Variants in TENM1 observed in about 807,000 individuals in gnomAD.
TENM1 encodes teneurin transmembrane protein 1.
Under a neutral mutation model 174.8 loss-of-function variants are expected in TENM1, and 35 were observed. The ratio of observed to expected loss-of-function variants is 0.20; its 90% CI spans 0.15 to 0.27. The LOEUF (loss-of-function observed/expected upper bound fraction) is 0.27. Among genes scored for constraint, TENM1 ranks in the 10% least tolerant of loss-of-function variants. TENM1 has a pLI of 1.00. For synonymous variants in TENM1, 781 were observed against 798.7 expected (o/e 0.98, Z 0.37); for missense variants, 1,633 against 2,130.1 (o/e 0.77, Z 4.59).
At chrX:125,059,481 G>A in the TENM1 span, among the ~76,000 whole-genome samples, 2,794 of 109,956 alleles carry the variant, frequency 0.025, 94 homozygotes, top group African/African-American at 0.086. Context: ...TACACAGTTA[G>A]CATGAATCCC....
chrX:124,432,964 T>C (rs1334031168), intron 23 of TENM1, among the ~76,000 whole-genome samples: 1 of 112,242 alleles, frequency 8.9e-6, no homozygotes, highest in Non-Finnish European at 1.9e-5. Context: ...GTGAGAGTTC[T>C]AGCAGATGTC....
At chrX:124,849,844 T>C (rs142636458) in intron 3 of TENM1, among the ~76,000 whole-genome samples, 7,542 of 112,085 alleles carry the variant, frequency 0.067, 575 homozygotes, top group African/African-American at 0.23. Flanking sequence ...CAGTGGAAGA[T>C]AAGAGAAAGC....
At chrX:124,397,007 T>C (rs912451248) in intron 27 of TENM1, among the ~76,000 whole-genome samples, 1 of 111,566 alleles carries the variant, frequency 9.0e-6, no homozygotes, top group Non-Finnish European at 1.9e-5. Context: ...GGATCTACGC[T>C]GTAATGCATC....
chrX:124,457,536 C>T (rs1472338614), intron 22 of TENM1, among the ~76,000 whole-genome samples: 2 of 112,028 alleles, frequency 1.8e-5, no homozygotes, highest in Non-Finnish European at 3.8e-5. Context: ...TCTTATTATC[C>T]TCCAATGAAT....
exon 6 of TENM1, chrX:124,671,776 T>C: frequency 8.3e-7 from 1 of 1,210,830 alleles, no homozygotes; most frequent in Non-Finnish European, 1.1e-6. Flanking sequence ...CTAACTCCAT[T>C]TGCATACAGC....
the TENM1 span, among the ~76,000 whole-genome samples, chrX:125,119,865 G>A: frequency 9.0e-6 from 1 of 111,493 alleles, no homozygotes; most frequent in Admixed American, 9.6e-5. Flanking sequence ...TTATAATTGC[G>A]TGGGTAGTAT....
intron 3 of TENM1, among the ~76,000 whole-genome samples, chrX:124,785,195 T>C (rs1243863611): frequency 8.9e-6 from 1 of 111,802 alleles, no homozygotes; most frequent in Admixed American, 9.5e-5. Context: ...TAAGTAATAA[T>C]CTGTAACTGA....
chrX:124,597,071 G>A (rs945649450), intron 11 of TENM1, among the ~76,000 whole-genome samples: 1 of 111,412 alleles, frequency 9.0e-6, no homozygotes, highest in Admixed American at 9.5e-5. Flanking sequence ...TTACACTGCT[G>A]GTGGGAATGT....
At chrX:124,704,858 G>GAA (rs879137184) in intron 5 of TENM1, among the ~76,000 whole-genome samples, 155 bp downstream of exon 8, 2 of 94,326 alleles carry the variant, frequency 2.1e-5, no homozygotes, top group Admixed American at 1.2e-4. Flanking sequence ...AGGTTAGGAA[G>GAA]AAAAAAAAAA....
intron 11 of TENM1, among the ~76,000 whole-genome samples, chrX:124,609,505 G>A (rs1368242548): frequency 1.8e-5 from 2 of 111,575 alleles, no homozygotes. Flanking sequence ...GTAGTTGCCA[G>A]GGATTCAAAT....
At chrX:124,893,891 G>T (rs1008109743) in intron 3 of TENM1, among the ~76,000 whole-genome samples, 3 of 111,444 alleles carry the variant, frequency 2.7e-5, no homozygotes, top group African/African-American at 9.8e-5. Flanking sequence ...AAGGCCAACT[G>T]CTAGGCAACA....
the TENM1 span, among the ~76,000 whole-genome samples, chrX:125,194,227 T>G: frequency 9.9e-5 from 11 of 111,512 alleles, no homozygotes; most frequent in East Asian, 3.1e-3. Flanking sequence ...TTCATGGCAT[T>G]ACCTAGTTTC....
chrX:124,930,142 C>T (rs775088859), intron 1 of TENM1, among the ~76,000 whole-genome samples: 2 of 110,513 alleles, frequency 1.8e-5, no homozygotes, highest in Non-Finnish European at 3.8e-5. Flanking sequence ...CACAGACACA[C>T]GCGACAAGCA....
chrX:125,012,726 T>G, the TENM1 span, among the ~76,000 whole-genome samples: 416 of 111,976 alleles, frequency 3.7e-3, 4 homozygotes, highest in African/African-American at 0.013. Flanking sequence ...GTGAATTAGC[T>G]TTTGTTATAC....
chrX:124,542,160 C>CT (rs2048333917), intron 15 of TENM1, among the ~76,000 whole-genome samples: 2 of 112,384 alleles, frequency 1.8e-5, no homozygotes, highest in African/African-American at 3.2e-5. Context: ...CTAGCCATGC[C>CT]TTATCTGAAT....
intron 11 of TENM1, among the ~76,000 whole-genome samples, chrX:124,606,691 G>A (rs1432253012): frequency 9.0e-6 from 1 of 111,517 alleles, no homozygotes; most frequent in African/African-American, 3.3e-5. Context: ...CACTAGGTTT[G>A]GAGGAATGGA....
At chrX:124,721,728 A>G (rs2053312697) in intron 4 of TENM1, among the ~76,000 whole-genome samples, 1 of 112,325 alleles carries the variant, frequency 8.9e-6, no homozygotes, top group African/African-American at 3.2e-5. Flanking sequence ...ATAATTTAAT[A>G]ACACATGCTC....
At chrX:124,582,081 A>G (rs1241287155) in intron 11 of TENM1, among the ~76,000 whole-genome samples, 1 of 109,994 alleles carries the variant, frequency 9.1e-6, no homozygotes, top group African/African-American at 3.3e-5. Context: ...GTTCCCCCCC[A>G]TGTCCATGTG....
intron 22 of TENM1, among the ~76,000 whole-genome samples, chrX:124,464,559 T>G (rs1405099099): frequency 1.8e-5 from 2 of 111,314 alleles, no homozygotes; most frequent in Non-Finnish European, 3.8e-5. Context: ...AAGTCAGGAG[T>G]GGTAGACAGT....
Sources: allele counts gnomAD v4.1 joint callset (sites outside exome capture counted in the v4.1 genomes callset), GRCh38; gene constraint gnomAD v4.1.1; transcripts MANE v1.5; gene names NCBI Gene and HGNC (gene_info 2026-07-23, HGNC 2026-07-21).